TENM3: variants seen among roughly 807,000 people sequenced by gnomAD.
The protein encoded by TENM3 is teneurin transmembrane protein 3, also known as teneurin-3.
In TENM3, 63 loss-of-function variants were observed where a neutral mutation model predicts 255.1. That is an observed-to-expected ratio of 0.25 (90% CI 0.20 to 0.30). The LOEUF (loss-of-function observed/expected upper bound fraction) is 0.30. Ranked by LOEUF, TENM3 falls within the 10% of genes least tolerant of loss-of-function variation. The pLI is 1.00. For missense variants in TENM3, 2,929 were observed against 3,461.1 expected (o/e 0.85, Z 3.86); for synonymous variants, 1,306 against 1,322.3 (o/e 0.99, Z 0.27).
intron 3 of TENM3, among the ~76,000 whole-genome samples, chr4:182,590,706 T>G (rs1380686562): frequency 2.0e-5 from 3 of 151,460 alleles, no homozygotes; most frequent in Non-Finnish European, 2.9e-5. Context: ...AATACAAAAC[T>G]TAGCTGGGCG....
intron 16 of TENM3, among the ~76,000 whole-genome samples, chr4:182,734,590 A>T (rs749301339): frequency 3.3e-5 from 5 of 152,196 alleles, no homozygotes; most frequent in Non-Finnish European, 5.9e-5. Context: ...GAGGGAACAC[A>T]TTAGACAGGG....
At chr4:182,146,727 A>G (rs1416472838) in intron 1 of TENM3, among the ~76,000 whole-genome samples, 4 of 152,184 alleles carry the variant, frequency 2.6e-5, no homozygotes, top group Non-Finnish European at 5.9e-5. Flanking sequence ...ACGTTTATAT[A>G]TTTGGAAAAC....
intron 1 of TENM3, among the ~76,000 whole-genome samples, chr4:182,195,439 G>A (rs1753782113): frequency 6.6e-6 from 1 of 152,104 alleles, no homozygotes; most frequent in African/African-American, 2.4e-5. Context: ...AGGAGTTCAA[G>A]CCCAGCCTAG....
chr4:182,008,576 A>G, the TENM3 span, among the ~76,000 whole-genome samples: 5 of 151,868 alleles, frequency 3.3e-5, no homozygotes, highest in Non-Finnish European at 7.4e-5. Flanking sequence ...TATGTTTTTC[A>G]GCTCCATCAA....
At chr4:182,159,123 G>A (rs1750915397) in intron 1 of TENM3, among the ~76,000 whole-genome samples, 2 of 152,192 alleles carry the variant, frequency 1.3e-5, no homozygotes, top group South Asian at 4.1e-4. Context: ...TGGTGTTGCT[G>A]TTGCCAGGTG....
chr4:181,842,443 G>A, the TENM3 span, among the ~76,000 whole-genome samples: 2 of 152,132 alleles, frequency 1.3e-5, no homozygotes, highest in African/African-American at 4.8e-5. Flanking sequence ...TGGCATGACT[G>A]AAGTGCATAA....
the TENM3 span, among the ~76,000 whole-genome samples, chr4:181,722,700 T>A: frequency 1.4e-4 from 22 of 152,222 alleles, no homozygotes; most frequent in African/African-American, 5.3e-4. Context: ...TATAGTACAT[T>A]TTAAAATGAA....
At position 182,775,667 on chromosome 4, in the gene TENM3, G is replaced by A. The variant is rs117947192; in HGVS notation, c.5304+514G>A. Among the ~76,000 whole-genome samples, 14 of 152,254 alleles carry A rather than the reference G, an allele frequency of 9.2e-5. 1 individual carries two copies. In the East Asian group the frequency reaches 2.3e-3, roughly 25 times the overall value. On this transcript the variant is annotated intron_variant, in intron 24 of 27. Coordinates refer to ENST00000511685, the MANE Select transcript of TENM3 (RefSeq NM_001080477.4). Reference sequence around the variant, plus strand: ...GTCCTGAAGCAGGGGTCACATGCACGTGTGCACACAGCGTCACACCTGTTC... The same window carrying A: ...GTCCTGAAGCAGGGGTCACATGCACATGTGCACACAGCGTCACACCTGTTC...
the TENM3 span, among the ~76,000 whole-genome samples, chr4:182,000,381 T>A: frequency 6.6e-6 from 1 of 151,926 alleles, no homozygotes; most frequent in Non-Finnish European, 1.5e-5. Flanking sequence ...TAGCCAAGAA[T>A]CGGTTCTCCC....
intron 1 of TENM3, among the ~76,000 whole-genome samples, chr4:182,307,947 T>C (rs1277294196): frequency 6.6e-6 from 1 of 152,244 alleles, no homozygotes; most frequent in Admixed American, 6.5e-5. Flanking sequence ...TGGAACATTC[T>C]TGCCTGCACT....
At chr4:181,784,639 C>CA in the TENM3 span, among the ~76,000 whole-genome samples, 1 of 152,018 alleles carries the variant, frequency 6.6e-6, no homozygotes, top group African/African-American at 2.4e-5. Flanking sequence ...TTTAATCTCT[C>CA]AAAAAAAGTG....
At chr4:181,514,445 T>C in the TENM3 span, among the ~76,000 whole-genome samples, 1 of 152,194 alleles carries the variant, frequency 6.6e-6, no homozygotes, top group Non-Finnish European at 1.5e-5. Flanking sequence ...AATTTTCCTA[T>C]TAAAAAAAGT....
intron 1 of TENM3, among the ~76,000 whole-genome samples, chr4:182,268,560 G>A (rs749625344): frequency 1.3e-5 from 2 of 152,072 alleles, no homozygotes; most frequent in Non-Finnish European, 2.9e-5. Flanking sequence ...TTCCCAGATG[G>A]TTAAGGCATT....
At chr4:182,507,309 T>A (rs1295960123) in intron 3 of TENM3, among the ~76,000 whole-genome samples, 1 of 152,222 alleles carries the variant, frequency 6.6e-6, no homozygotes, top group African/African-American at 2.4e-5. Context: ...TCCCATAATC[T>A]CTGAGAATTT....
At chr4:182,585,501 GCTCTC>G (rs1169927786) in intron 3 of TENM3, among the ~76,000 whole-genome samples, 6 of 152,302 alleles carry the variant, frequency 3.9e-5, no homozygotes, top group Non-Finnish European at 7.3e-5. Context: ...AGAGGGCTTT[GCTCTC>G]CTGCATTGCT....
intron 12 of TENM3, among the ~76,000 whole-genome samples, chr4:182,692,168 T>C (rs148546584): frequency 1.3e-5 from 2 of 152,360 alleles, no homozygotes; most frequent in South Asian, 4.1e-4. Context: ...AAATTGGGCT[T>C]CTTCTTGCTT....
the TENM3 span, among the ~76,000 whole-genome samples, chr4:181,977,576 A>T: frequency 2.0e-5 from 3 of 152,192 alleles, no homozygotes; most frequent in African/African-American, 7.2e-5. Context: ...AAGTTTTGAG[A>T]GGACAAGTTG....
intron 1 of TENM3, among the ~76,000 whole-genome samples, chr4:182,177,467 C>A (rs916134620): frequency 6.6e-6 from 1 of 151,984 alleles, no homozygotes; most frequent in South Asian, 2.1e-4. Context: ...GCCTGATGCT[C>A]CTGATTCACT....
intron 3 of TENM3, among the ~76,000 whole-genome samples, chr4:182,536,341 C>G (rs1238474991): frequency 1.3e-5 from 2 of 152,234 alleles, no homozygotes; most frequent in African/African-American, 4.8e-5. Context: ...TGGCCATGTT[C>G]TAGCAGTAGG....
Sources: gnomAD v4.1 joint callset for allele counts (sites outside exome capture counted in the v4.1 genomes callset) on GRCh38, gnomAD v4.1.1 for gene constraint, MANE v1.5 for transcripts, NCBI Gene and HGNC (gene_info 2026-07-23, HGNC 2026-07-21) for gene names.